IARS1: variants seen among roughly 807,000 people sequenced by gnomAD.
IARS1 encodes the protein isoleucine--tRNA ligase, cytoplasmic.
Under a neutral mutation model 168.2 loss-of-function variants are expected in IARS1, and 124 were observed. The observed-to-expected ratio is 0.74, with a 90% confidence interval of 0.64 to 0.86. The LOEUF is 0.86. IARS1 is among the 40% of genes least tolerant of loss of function. IARS1 has a pLI of 0.00. For synonymous variants in IARS1, 532 were observed against 529.4 expected, an observed-to-expected ratio of 1.00 and a Z score of -0.07; for missense variants, 1,452 against 1,515.8, an observed-to-expected ratio of 0.96 and a Z score of 0.70.
In IARS1 at chr9:92,268,247, C is replaced by A. The variant is rs570962385; in HGVS notation, c.1358G>T (p.Arg453Leu). The A allele has an allele frequency of 6.2e-7, 1 of 1,612,262 alleles. No homozygotes were observed. The highest frequency in any genetic ancestry group is 1.1e-5 in the South Asian group (1 of 90,622). Reference protein sequence around the residue: ...KRFGNWLKDARDWTISRNRYW... With the variant: ...KRFGNWLKDALDWTISRNRYW... Reference sequence around the variant, plus strand: ...TCTGTTTCTGGAAATTGTCCAGTCACGTGCATCTTTCAGCCAATTTCCAAA... The same window carrying A: ...TCTGTTTCTGGAAATTGTCCAGTCAAGTGCATCTTTCAGCCAATTTCCAAA... The change falls in exon 14 of 34, where the codon CGT (arginine) becomes CTT (leucine). Residue 453 changes from arginine (R) to leucine (L), a missense_variant. Arg to Leu is a moderately radical substitution (Grantham distance 102, BLOSUM62 -2). Transcript: ENST00000443024.
intron 25 of IARS1, among the ~76,000 whole-genome samples, chr9:92,248,026 T>G (rs1175840504): frequency 6.6e-6 from 1 of 152,190 alleles, no homozygotes; most frequent in East Asian, 1.9e-4. Context: ...TAAAAACCAG[T>G]GATTTGTATG....
rs188259717 is a variant in IARS1, at chr9:92,280,102, C to T, written c.745+644G>A. Among the ~76,000 whole-genome samples the T allele has an allele frequency of 5.9e-5, 9 of 152,234 alleles. No homozygotes were observed. The South Asian group carries it at 1.0e-3, about 18-fold the overall frequency. ...ACTGTGAATAATGCTCCTATGAACA[C>T]GGGTGTACAAGTAACTGTTCAAGAC... is the stretch of plus-strand genomic sequence containing the variant. On this transcript the variant is annotated intron_variant, in intron 7 of 33. Coordinates refer to ENST00000443024, the MANE Select transcript of IARS1 (RefSeq NM_002161.6).
chr9:92,233,876 C>T (rs1827088472), intron 30 of IARS1, among the ~76,000 whole-genome samples: 2 of 152,168 alleles, frequency 1.3e-5, no homozygotes, highest in Non-Finnish European at 1.5e-5. Context: ...ATCCTCCAAC[C>T]TCAGCCTCCC....
At position 92,263,308 on chromosome 9, in the gene IARS1, T is replaced by C. The variant is rs10992289; in HGVS notation, c.1701-253A>G. On this transcript the variant is annotated intron_variant, in intron 16 of 33. Coordinates refer to ENST00000443024, the MANE Select transcript of IARS1 (RefSeq NM_002161.6). ...GTTACCAGAGCTCCCAGGAAGTCTG[T>C]GTGGAGAGCCACATGGCAGCACTGG... Among the ~76,000 whole-genome samples, 115 of 152,292 alleles carry C rather than the reference T, an allele frequency of 7.6e-4. No homozygotes were observed. The East Asian group carries it at 0.02, about 27-fold the overall frequency.
rs1289611676 is a variant in IARS1, at chr9:92,210,503, T to A, written c.*304A>T. ...GAAAATGATATATATACTATGCCATTTAAATCACTTCTATCTTCTGTACTT... is the reference window on the plus strand; with the variant it reads ...GAAAATGATATATATACTATGCCATATAAATCACTTCTATCTTCTGTACTT... On this transcript the variant is annotated 3_prime_UTR_variant, in exon 34 of 34. Coordinates refer to ENST00000443024, the MANE Select transcript of IARS1 (RefSeq NM_002161.6). The A allele has an allele frequency of 4.4e-6, 1 of 225,072 alleles. No individual in the cohort carries two copies. The highest frequency in any genetic ancestry group is 8.7e-6 in the Non-Finnish European group (1 of 115,378). The allele number at this position is 225,072 out of a possible 1,614,324, so 13.9% of individuals were successfully genotyped here.
At chr9:92,238,810 G>A (rs541668833) in intron 30 of IARS1, among the ~76,000 whole-genome samples, 2 of 152,242 alleles carry the variant, frequency 1.3e-5, no homozygotes, top group Non-Finnish European at 2.9e-5. Context: ...ACCGGTTTGT[G>A]ACAAATGTAG....
intron 2 of IARS1, among the ~76,000 whole-genome samples, chr9:92,288,651 G>C (rs1375965078): frequency 6.6e-6 from 1 of 152,232 alleles, no homozygotes; most frequent in East Asian, 1.9e-4. Context: ...AGTCTTTTAG[G>C]TGAATGAGGA....
chr9:92,258,473 G>A (rs1831045068), intron 19 of IARS1, among the ~76,000 whole-genome samples: 1 of 152,194 alleles, frequency 6.6e-6, no homozygotes, highest in Non-Finnish European at 1.5e-5. Context: ...GTGGGTGCCT[G>A]TAATCCCAGC....
chr9:92,215,511 T>C (rs1838519304), intron 33 of IARS1, among the ~76,000 whole-genome samples: 1 of 151,810 alleles, frequency 6.6e-6, no homozygotes, highest in Non-Finnish European at 1.5e-5. Flanking sequence ...GGCAAAGAAG[T>C]TGAAAACTTT....
At chr9:92,247,743 A>G (rs1829433946) in intron 25 of IARS1, among the ~76,000 whole-genome samples, 192 bp from the exon 26 acceptor site, 1 of 152,266 alleles carries the variant, frequency 6.6e-6, no homozygotes, top group Non-Finnish European at 1.5e-5. Context: ...GAAGGACTGA[A>G]GCACTCATAT....
Position 92,278,314 on chromosome 9 carries a change from T to G in IARS1, c.746-28A>C, listed in dbSNP as rs373713891. 3.4e-6 allele frequency: 5 copies of G among 1,478,180 alleles called. No individual in the cohort carries two copies. The African/African-American group carries it at 5.5e-5, about 16-fold the overall frequency. 91.6% of individuals were successfully genotyped at this position (1,478,180 alleles called of 1,614,324 possible). A position where few individuals can be genotyped will look rare whatever the true frequency, so the allele number is the denominator to read the frequency against. On this transcript the variant is annotated intron_variant, in intron 7 of 33. Coordinates refer to ENST00000443024, the MANE Select transcript of IARS1 (RefSeq NM_002161.6). The stretch of plus-strand genomic sequence containing the variant: ...ACGAGAAAAAGGAAAAACATGGACT[T>G]GGGTTATATTCTGAACTTGGCTGAT...
intron 30 of IARS1, among the ~76,000 whole-genome samples, chr9:92,234,192 CA>C (rs1564162584): frequency 6.6e-6 from 1 of 152,024 alleles, no homozygotes; most frequent in Non-Finnish European, 1.5e-5. Flanking sequence ...TCCTGTGACT[CA>C]AAAGTTTTTT....
chr9:92,271,707 G>A (rs1313777354), intron 10 of IARS1, 52 bp from the exon 11 acceptor site: 21 of 1,580,322 alleles, frequency 1.3e-5, no homozygotes, highest in Non-Finnish European at 1.7e-5. Context: ...GTATGGGTGT[G>A]AGCATGAGGT....
rs534075085 is a variant in IARS1, at chr9:92,285,743, G to A, written c.576C>T (p.Phe192=). Residue 192 remains phenylalanine, a synonymous_variant, in exon 6 of 34, where the codon TTC becomes TTT. Coordinates refer to ENST00000443024, the MANE Select transcript of IARS1 (RefSeq NM_002161.6). ...STACNTPLSN[F]ESHQNYKDVQ... ...GTACCTTATAATTCTGGTGTGACTC[G>A]AAGTTGGAAAGTGGAGTGTTACATG... is the stretch of plus-strand genomic sequence containing the variant. 211 of 1,606,962 alleles carry A rather than the reference G, an allele frequency of 1.3e-4. 1 individual carries two copies. The South Asian group carries it at 2.0e-3, about 15-fold the overall frequency.
intron 13 of IARS1, among the ~76,000 whole-genome samples, chr9:92,269,471 A>G (rs1564180544): frequency 6.6e-6 from 1 of 152,208 alleles, no homozygotes; most frequent in Non-Finnish European, 1.5e-5. Flanking sequence ...AGCACAGGGT[A>G]CATCATCCAC....
At chr9:92,248,235 G>A (rs924390920) in intron 25 of IARS1, among the ~76,000 whole-genome samples, 3 of 152,174 alleles carry the variant, frequency 2.0e-5, no homozygotes, top group African/African-American at 7.2e-5. Flanking sequence ...ATGCTACTGA[G>A]GATTACTGAT....
intron 30 of IARS1, among the ~76,000 whole-genome samples, chr9:92,235,890 C>T (rs1489262124): frequency 6.6e-6 from 1 of 152,050 alleles, no homozygotes; most frequent in African/African-American, 2.4e-5. Flanking sequence ...GGTGATGGTG[C>T]ATAATTCTTT....
rs543232890 is a variant in IARS1 at position 92,250,965 on chromosome 9, A to C, written c.2308-131T>G. 3.2e-6 allele frequency: 3 copies of C among 952,364 alleles called. 1 individual carries two copies. Among genetic ancestry groups the C allele is most frequent in the Non-Finnish European group, 4.7e-6 (3 of 633,080 alleles). The allele number at this position is 952,364 out of a possible 1,614,324, so 59.0% of individuals were successfully genotyped here. On this transcript the variant is annotated intron_variant, in intron 22 of 33. Coordinates refer to ENST00000443024, the MANE Select transcript of IARS1 (RefSeq NM_002161.6). ...GGCACCAAAATGAGCATGAGGTTAC[A>C]AAACATGCCCTGTGAATGAGAAATG...
At chr9:92,218,070 T>C (rs1480578580) in intron 33 of IARS1, among the ~76,000 whole-genome samples, 1 of 152,082 alleles carries the variant, frequency 6.6e-6, no homozygotes, top group African/African-American at 2.4e-5. Flanking sequence ...AAAAAGCTTA[T>C]CCACCATGAT....
Sources: gnomAD v4.1 joint callset for allele counts (sites outside exome capture counted in the v4.1 genomes callset) on GRCh38, gnomAD v4.1.1 for gene constraint, MANE v1.5 for transcripts, NCBI Gene and HGNC (gene_info 2026-07-23, HGNC 2026-07-21) for gene names.